Variants in MROH2A observed in about 807,000 individuals in gnomAD.
MROH2A encodes maestro heat like repeat family member 2A.
In MROH2A, 174 loss-of-function variants were observed where a neutral mutation model predicts 200.4. That is an observed-to-expected ratio of 0.87 (90% CI 0.77 to 0.98). MROH2A has a LOEUF of 0.98. Ranked by LOEUF, MROH2A falls within the 50% of genes least tolerant of loss-of-function variation. MROH2A has a pLI of 0.00. For missense variants in MROH2A, 2,045 were observed against 2,139.6 expected, an observed-to-expected ratio of 0.96 and a Z score of 0.87; for synonymous variants, 829 against 840.4, an observed-to-expected ratio of 0.99 and a Z score of 0.23.
At chr2:233,794,257 G>T in intron 7 of MROH2A, 106 bp from the exon 8 acceptor site, 1 of 823,282 alleles carries the variant, frequency 1.2e-6, no homozygotes, top group Non-Finnish European at 1.9e-6. Flanking sequence ...CTGCTTCTGA[G>T]GCGCCTTCTG....
intron 5 of MROH2A, 98 bp downstream of exon 5, chr2:233,790,112 T>G: frequency 8.8e-7 from 1 of 1,141,212 alleles, no homozygotes; most frequent in Non-Finnish European, 1.2e-6. Flanking sequence ...CTCTTCCTCT[T>G]ACCTTTCATT....
intron 29 of MROH2A, 77 bp from the exon 30 acceptor site, chr2:233,819,240 T>C: frequency 7.1e-7 from 1 of 1,401,812 alleles, no homozygotes; most frequent in South Asian, 1.4e-5. Flanking sequence ...GGCCATGGGG[T>C]GGGACAGGGG....
In MROH2A at chr2:233,819,378, A is replaced by G. The variant is rs1000112326; in HGVS notation, c.3266A>G (p.Asn1089Ser). The change falls in exon 30 of 42, where the codon AAC (asparagine) becomes AGC (serine). Residue 1089 changes from asparagine (N) to serine (S), a missense_variant. Coordinates refer to ENST00000389758, the MANE Select transcript of MROH2A (RefSeq NM_001394639.1). ...VVSLIQKLCE[N>S]TGAMNLQHDK... ...TCGCTCATCCAGAAGCTCTGCGAGA[A>G]CACTGGGGCCATGAACCTGCAGCAT... The G allele has an allele frequency of 5.2e-6, 8 of 1,550,432 alleles. No homozygotes were observed. In the African/African-American group the frequency reaches 1.1e-4, roughly 21 times the overall value.
rs1500478 is a variant in MROH2A, at chr2:233,798,701, C to A, written c.1253-73C>A. 4,693 of 1,091,206 alleles carry A rather than the reference C, an allele frequency of 4.3e-3. 141 individuals are homozygous for A. In the African/African-American group the frequency reaches 0.064, roughly 15 times the overall value. 67.6% of individuals were successfully genotyped at this position (1,091,206 alleles called of 1,614,324 possible). A position where few individuals can be genotyped will look rare whatever the true frequency, so the allele number is the denominator to read the frequency against. On this transcript the variant is annotated intron_variant, in intron 11 of 41. Coordinates refer to ENST00000389758, the MANE Select transcript of MROH2A (RefSeq NM_001394639.1). The stretch of plus-strand genomic sequence containing the variant: ...TGTGGGAGGAGACAGAACGTGAGGC[C>A]CTGATGTGGGACGAGCCACCTGACC...
At chr2:233,826,553 C>A (rs1213213364) in intron 35 of MROH2A, among the ~76,000 whole-genome samples, 3 of 152,184 alleles carry the variant, frequency 2.0e-5, no homozygotes, top group African/African-American at 7.2e-5. Flanking sequence ...CTTTCTCACA[C>A]ATTATGCAAA....
At chr2:233,825,358 G>C (rs1704233360) in intron 35 of MROH2A, among the ~76,000 whole-genome samples, 2 of 152,160 alleles carry the variant, frequency 1.3e-5, no homozygotes, top group South Asian at 4.1e-4. Context: ...CCAATACTAT[G>C]TTGAGTAGGA....
At chr2:233,783,889 T>C (rs1379932805) in intron 3 of MROH2A, among the ~76,000 whole-genome samples, 7 of 152,192 alleles carry the variant, frequency 4.6e-5, no homozygotes, top group Admixed American at 4.6e-4. Flanking sequence ...CAGTCTCAGT[T>C]ATGCATCCTT....
At chr2:233,790,058 G>T in intron 5 of MROH2A, 44 bp downstream of exon 5, 1 of 1,487,594 alleles carries the variant, frequency 6.7e-7, no homozygotes, top group Non-Finnish European at 9.0e-7. Flanking sequence ...GTGCCCTTCT[G>T]GTCTCTGCCT....
chr2:233,793,444 G>A (rs1017336941), intron 6 of MROH2A, among the ~76,000 whole-genome samples: 8 of 152,160 alleles, frequency 5.3e-5, no homozygotes, highest in African/African-American at 1.4e-4. Context: ...CCTTGACCCC[G>A]TCTCTGTCCT....
chr2:233,789,091 G>C (rs955371939), intron 3 of MROH2A, among the ~76,000 whole-genome samples: 4 of 151,856 alleles, frequency 2.6e-5, no homozygotes, highest in African/African-American at 9.7e-5. Context: ...GGTGATAAGC[G>C]CTATCATGCA....
intron 35 of MROH2A, among the ~76,000 whole-genome samples, chr2:233,825,116 TCTG>T (rs1379701415): frequency 6.6e-6 from 1 of 152,222 alleles, no homozygotes; most frequent in East Asian, 1.9e-4. Flanking sequence ...GATTTGGCTC[TCTG>T]CTTGCCTGTT....
intron 35 of MROH2A, among the ~76,000 whole-genome samples, chr2:233,826,972 A>G (rs938758786): frequency 6.6e-6 from 1 of 152,224 alleles, no homozygotes; most frequent in Non-Finnish European, 1.5e-5. Flanking sequence ...TATGAAAAAA[A>G]GCTAAATATC....
Position 233,828,595 on chromosome 2 carries a change from C to T in MROH2A, c.4114-35C>T, listed in dbSNP as rs200779754. 794 of 1,544,374 alleles carry T rather than the reference C, an allele frequency of 5.1e-4. 6 individuals are homozygous for T. Among genetic ancestry groups the T allele is most frequent in the Middle Eastern group, 3.8e-3 (22 of 5,784 alleles). On this transcript the variant is annotated intron_variant, in intron 35 of 41. Coordinates refer to ENST00000389758, the MANE Select transcript of MROH2A (RefSeq NM_001394639.1). The surrounding 1 kb of genome is among the most constrained non-coding windows in gnomAD (Gnocchi z 4.6). The stretch of plus-strand genomic sequence containing the variant: ...ACCTTGCTGCTGAGAAATGAGCCCG[C>T]CCTGGGGATAACTGCCCAATGTCCT...
rs1405055010 is a variant in MROH2A at position 233,810,835 on chromosome 2, G to A, written c.2490G>A (p.Gln830=). ...TGGCCTTCATGAAGAGTGTTGTGCA[G>A]GTTACCAAGGCCATCAACAACATCA... ...LKMAFMKSVV[Q]VTKAINNIKD... is the part of the protein sequence containing the mutation. The change falls in exon 23 of 42, where the codon CAG becomes CAA. Residue 830 remains glutamine (Q), a synonymous_variant. Coordinates refer to ENST00000389758, the MANE Select transcript of MROH2A (RefSeq NM_001394639.1). 9 of 1,550,372 alleles carry A rather than the reference G, an allele frequency of 5.8e-6. No homozygotes were observed. Among genetic ancestry groups the A allele is most frequent in the Admixed American group, 2.0e-5 (1 of 50,988 alleles).
In MROH2A at chr2:233,806,124, A is replaced by G. The variant is rs73112625; in HGVS notation, c.2052+1013A>G. On this transcript the variant is annotated intron_variant, in intron 19 of 41. Transcript: ENST00000389758. ...ACAATAGAGAAAGTGAAAAAGAAGC[A>G]CATTAAGGAAGAACATGTTCTTCCA... Among the ~76,000 whole-genome samples the G allele has an allele frequency of 8.9e-3, 1,351 of 152,308 alleles. 22 individuals carry two copies. The highest frequency in any genetic ancestry group is 0.031 in the African/African-American group (1,284 of 41,580).
chr2:233,822,065 C>A (rs1380598784), intron 31 of MROH2A, 59 bp from the exon 32 acceptor site: 6 of 1,502,140 alleles, frequency 4.0e-6, no homozygotes, highest in Non-Finnish European at 5.4e-6. Context: ...GAAAGGGATT[C>A]TTACCTGCCA....
At chr2:233,830,132 G>T (rs1239548506) in intron 38 of MROH2A, among the ~76,000 whole-genome samples, 2 of 152,202 alleles carry the variant, frequency 1.3e-5, no homozygotes, top group African/African-American at 4.8e-5. Context: ...CCCCAAAGTG[G>T]TCTTGTCCAC....
chr2:233,799,805 T>C lies in MROH2A; in HGVS notation c.1355T>C (p.Ile452Thr), dbSNP rs780846243. The change falls in exon 13 of 42, where the codon ATT becomes ACT. Residue 452 changes from isoleucine to threonine, a missense_variant. By Grantham distance (89) the Ile-to-Thr change is moderately conservative (BLOSUM62 -1). Transcript: ENST00000389758. ...GTGAGGATGGCTATTCTCCACATCATTGGGCAGTTGGCTCTCTGTGGCTAC... is the reference window on the plus strand; with the variant it reads ...GTGAGGATGGCTATTCTCCACATCACTGGGCAGTTGGCTCTCTGTGGCTAC... ...SKVRMAILHI[I>T]GQLALCGYQE... The C allele has an allele frequency of 4.6e-5, 72 of 1,550,280 alleles. 1 individual carries two copies. In the East Asian group the frequency reaches 6.8e-4, roughly 15 times the overall value.
intron 15 of MROH2A, 65 bp from the exon 16 acceptor site, chr2:233,803,383 G>A: frequency 2.6e-6 from 4 of 1,526,450 alleles, no homozygotes; most frequent in Non-Finnish European, 2.7e-6. Flanking sequence ...CCTAGATGGG[G>A]ACATAGGAGC....
Sources: allele counts gnomAD v4.1 joint callset (sites outside exome capture counted in the v4.1 genomes callset), GRCh38; gene constraint gnomAD v4.1.1; non-coding constraint Gnocchi (gnomAD v3.1); transcripts MANE v1.5; gene names NCBI Gene and HGNC (gene_info 2026-07-23, HGNC 2026-07-21).